The following CHD9 variants were observed in gnomAD, a reference collection of about 807,000 sequenced individuals.
CHD9 encodes the protein ATP-dependent chromatin remodeler CHD9.
CHD9 carries 77 observed loss-of-function variants against 316.1 expected under a neutral mutation model. The ratio of observed to expected loss-of-function variants is 0.24; its 90% CI spans 0.20 to 0.29. CHD9 has a LOEUF of 0.29. CHD9 is among the 10% of genes least tolerant of loss of function. CHD9 has a pLI of 1.00. For synonymous variants in CHD9, 1,129 were observed against 1,158.3 expected (o/e 0.97, Z 0.51); for missense variants, 2,763 against 3,438.1 (o/e 0.80, Z 4.91).
chr16:53,287,904 G>T, intron 26 of CHD9, 53 bp from the exon 27 acceptor site: 1 of 1,387,260 alleles, frequency 7.2e-7, no homozygotes, highest in Non-Finnish European at 1.0e-6. Flanking sequence ...GTCCTATCAA[G>T]TGAAATCTTA....
intron 1 of CHD9, among the ~76,000 whole-genome samples, chr16:53,095,549 TA>T (rs965950572): frequency 1.5e-4 from 22 of 147,600 alleles, no homozygotes; most frequent in Middle Eastern, 3.5e-3. Flanking sequence ...ACCCTGTCTC[TA>T]AAAAAAAAAA....
chr16:53,087,873 A>G (rs1442249729), intron 1 of CHD9, among the ~76,000 whole-genome samples: 2 of 151,954 alleles, frequency 1.3e-5, no homozygotes, highest in African/African-American at 2.4e-5. Flanking sequence ...ACTTGAATCC[A>G]GGAGGCTGAG....
rs190150596 is a variant in CHD9 at position 53,231,034 on chromosome 16, G to A, written c.2287-385G>A. ...AGTTTGCAGTCAGCTCAATAAGTGG[G>A]TCTTGAGCACAAGAACCATCAGGTA... On this transcript the variant is annotated intron_variant, in intron 8 of 38. Coordinates refer to ENST00000447540, the MANE Select transcript of CHD9 (RefSeq NM_001308319.2). Among the ~76,000 whole-genome samples, 55 of 152,274 alleles carry A rather than the reference G, an allele frequency of 3.6e-4. No homozygotes were observed. In the East Asian group the frequency reaches 8.7e-3, roughly 24 times the overall value.
At chr16:53,287,868 A>C (rs1355208800) in intron 26 of CHD9, 89 bp from the exon 27 acceptor site, 2 of 1,096,066 alleles carry the variant, frequency 1.8e-6, no homozygotes, top group Non-Finnish European at 2.8e-6. Flanking sequence ...CTTTTAAAAC[A>C]AACTAAAACC....
intron 1 of CHD9, among the ~76,000 whole-genome samples, chr16:53,062,058 G>A (rs1246797651): frequency 2.0e-5 from 3 of 152,168 alleles, no homozygotes; most frequent in African/African-American, 7.2e-5. Context: ...TCTCTCCCCA[G>A]AGCAGGTGCT....
intron 1 of CHD9, among the ~76,000 whole-genome samples, chr16:53,072,763 T>G (rs1567307955): frequency 6.6e-6 from 1 of 152,068 alleles, no homozygotes; most frequent in East Asian, 1.9e-4. Context: ...GGCACAATCT[T>G]GGCTCACTGC....
At position 53,313,370 on chromosome 16, in the gene CHD9, A is replaced by T. The variant is rs1462934222; in HGVS notation, c.7223-1007A>T. 2.0e-5 allele frequency among the ~76,000 whole-genome samples: 3 copies of T among 152,018 alleles called. No individual in the cohort carries two copies. The East Asian group carries it at 5.9e-4, about 30-fold the overall frequency. ...GCCCAGGCTGGAGTGCAGTGGCATG[A>T]TCTCGGCTCACAGCAACCTCCGCCT... is the stretch of plus-strand genomic sequence containing the variant. On this transcript the variant is annotated intron_variant, in intron 34 of 38. Transcript: ENST00000447540.
chr16:53,083,284 A>G (rs1442817895), intron 1 of CHD9, among the ~76,000 whole-genome samples: 1 of 152,274 alleles, frequency 6.6e-6, no homozygotes, highest in Middle Eastern at 3.4e-3. Flanking sequence ...GACACACCCT[A>G]CTGTAGGCAG....
In CHD9 at chr16:53,245,256, G is replaced by T; in HGVS notation, c.3055-80G>T. ...ATAGTCAGAAAAATATTTGCATATT[G>T]ATCATTCGATAATCTAAGTCAGCTT... On this transcript the variant is annotated intron_variant, in intron 13 of 38. Transcript: ENST00000447540. This position sits in a 1 kb window ranked among gnomAD's most constrained non-coding sequence, Gnocchi z 4.1. The T allele has an allele frequency of 9.5e-7, 1 of 1,052,808 alleles. No individual in the cohort carries two copies. The allele number at this position is 1,052,808 out of a possible 1,614,324, so 65.2% of individuals were successfully genotyped here.
intron 30 of CHD9, among the ~76,000 whole-genome samples, chr16:53,300,879 G>A (rs2055330567): frequency 6.6e-6 from 1 of 152,090 alleles, no homozygotes; most frequent in South Asian, 2.1e-4. Flanking sequence ...GCCAAGGCAG[G>A]TGGGGCAACA....
intron 34 of CHD9, chr16:53,311,142 TG>T (rs1456174722): frequency 2.0e-5 from 3 of 148,994 alleles, no homozygotes; most frequent in African/African-American, 7.5e-5. Context: ...GTTGTGCCAC[TG>T]CACTCCTAGG....
intron 30 of CHD9, chr16:53,298,223 A>G (rs1401183979): frequency 6.6e-6 from 1 of 152,310 alleles, no homozygotes; most frequent in Non-Finnish European, 1.5e-5. Flanking sequence ...CAGTGGCACC[A>G]TGGGGAAGGC....
chr16:53,324,245 T>C lies in CHD9; in HGVS notation c.8044T>C (p.Leu2682=). The C allele has an allele frequency of 6.2e-7, 1 of 1,613,950 alleles. No individual in the cohort carries two copies. The highest frequency in any genetic ancestry group is 8.5e-7 in the Non-Finnish European group (1 of 1,179,872). ...GGCCTTACAACAAAACCTACAAAAC[T>C]TGCAGTCACTGCAAGTAACTGCTGG... is the stretch of plus-strand genomic sequence containing the variant. The part of the protein sequence containing the change: ...LQALQQNLQN[L]QSLQVTAGLM... Residue 2682 remains leucine (L), a synonymous_variant, in exon 39 of 39, where the codon TTG becomes CTG. Transcript: ENST00000447540.
chr16:53,118,344 G>C (rs1054564960), intron 1 of CHD9, among the ~76,000 whole-genome samples: 6 of 151,646 alleles, frequency 4.0e-5, no homozygotes, highest in Admixed American at 2.0e-4. Context: ...TTGACCCTGG[G>C]AGGCGGAGGT....
rs149110765 is a variant in CHD9 at position 53,242,455 on chromosome 16, T to C, written c.2878-385T>C. On this transcript the variant is annotated intron_variant, in intron 12 of 38. Coordinates refer to ENST00000447540, the MANE Select transcript of CHD9 (RefSeq NM_001308319.2). ...TTTGGATGGCTAATTATTCACTATT[T>C]ATTTGCTATTATATTTGTGAACTCA... 3.9e-3 allele frequency among the ~76,000 whole-genome samples: 594 copies of C among 152,312 alleles called. 4 individuals are homozygous for C. The highest frequency in any genetic ancestry group is 5.8e-3 in the Non-Finnish European group (396 of 68,010).
At chr16:53,248,486 T>C (rs1490304259) in intron 16 of CHD9, among the ~76,000 whole-genome samples, 1 of 150,402 alleles carries the variant, frequency 6.6e-6, no homozygotes, top group Non-Finnish European at 1.5e-5. Flanking sequence ...TTTTATTTTA[T>C]TTTTTTTTGT....
intron 34 of CHD9, chr16:53,311,174 CAAAAAAAAAA>C (rs56041087): frequency 1.0e-5 from 1 of 97,408 alleles, no homozygotes; most frequent in Non-Finnish European, 2.1e-5. Context: ...AGACCTGTCT[CAAAAAAAAAA>C]AAAAAAATTG....
At chr16:53,170,317 G>T in intron 2 of CHD9, among the ~76,000 whole-genome samples, 1 of 152,190 alleles carries the variant, frequency 6.6e-6, no homozygotes, top group East Asian at 1.9e-4. Context: ...TAAAAAATGT[G>T]TTATAAAAAT....
intron 1 of CHD9, among the ~76,000 whole-genome samples, chr16:53,124,467 ATTTTTTTTTTTTTTTTT>A (rs753476091): frequency 1.0e-5 from 1 of 96,924 alleles, no homozygotes; most frequent in African/African-American, 3.8e-5. Flanking sequence ...GTGAGACTTA[ATTTTTTTTTTTTTTTTT>A]TTTTTTTTTT....
Sources: gnomAD v4.1 joint callset for allele counts (sites outside exome capture counted in the v4.1 genomes callset) on GRCh38, gnomAD v4.1.1 for gene constraint, Gnocchi (gnomAD v3.1) non-coding constraint, MANE v1.5 for transcripts, NCBI Gene and HGNC (gene_info 2026-07-23, HGNC 2026-07-21) for gene names.